SPATA9: variants seen among roughly 807,000 people sequenced by gnomAD.
SPATA9 encodes spermatogenesis-associated protein 9.
SPATA9 carries 27 observed loss-of-function variants against 25.5 expected under a neutral mutation model. The observed-to-expected ratio is 1.06, with a 90% confidence interval of 0.78 to 1.46. SPATA9 has a LOEUF of 1.46. Ranked by LOEUF, SPATA9 falls within the 40% of genes most tolerant of loss-of-function variation. The pLI, the probability that SPATA9 is intolerant of heterozygous loss-of-function variation, is 0.00. For synonymous variants in SPATA9, 102 were observed against 105.7 expected (o/e 0.97, Z 0.21); for missense variants, 282 against 297.5 (o/e 0.95, Z 0.38).
At chr5:95,702,542 T>G (rs1754204902), upstream of SPATA9, among the ~76,000 whole-genome samples, 1 of 152,124 alleles carries the variant, frequency 6.6e-6, no homozygotes, top group Non-Finnish European at 1.5e-5. Flanking sequence ...CTTAGATATA[T>G]TCTACATTAC....
chr5:95,714,736 C>CAAAA, the SPATA9 span, among the ~76,000 whole-genome samples: 14 of 138,038 alleles, frequency 1.0e-4, no homozygotes, highest in African/African-American at 2.6e-4. Context: ...AAATCAATTT[C>CAAAA]AAAAAAAAAA....
downstream of SPATA9, chr5:95,652,907 G>C: frequency 1.7e-6 from 1 of 604,448 alleles, no homozygotes. Flanking sequence ...ACAGAGCCGG[G>C]AGCATTCTTT....
At chr5:95,686,972 A>G (rs1468224622), upstream of SPATA9, among the ~76,000 whole-genome samples, 2 of 152,214 alleles carry the variant, frequency 1.3e-5, no homozygotes, top group Non-Finnish European at 2.9e-5. Context: ...CAAAAAAGGG[A>G]AAAGAGGCAT....
chr5:95,664,039 C>G lies in SPATA9; in HGVS notation c.388G>C (p.Gly130Arg), dbSNP rs1054012363. 5 of 1,553,138 alleles carry G rather than the reference C, an allele frequency of 3.2e-6. No homozygotes were observed. In the African/African-American group the frequency reaches 5.5e-5, roughly 17 times the overall value. Residue 130 changes from glycine to arginine, a missense_variant, in exon 4 of 5, where the codon GGT becomes CGT. Gly to Arg is a moderately radical substitution (Grantham distance 125, BLOSUM62 -2). Coordinates refer to ENST00000274432, the MANE Select transcript of SPATA9 (RefSeq NM_031952.4). The part of the protein sequence containing the change: ...QPLYNIQVRK[G>R]SLFEIISFPA... ...AAGGAGATGATTTCAAACAAAGAAC[C>G]CTTTCTGACCTGCAAAAACAGAAAA...
downstream of SPATA9, chr5:95,652,249 C>A: frequency 6.5e-7 from 1 of 1,545,930 alleles, no homozygotes; most frequent in Non-Finnish European, 8.7e-7. Flanking sequence ...CTCTCTACAA[C>A]CTCTCTTCCA....
At chr5:95,731,641 T>A in the SPATA9 span, 1 of 1,612,450 alleles carries the variant, frequency 6.2e-7, no homozygotes, top group Non-Finnish European at 8.5e-7. Flanking sequence ...CGTGAGCCGC[T>A]GCTTTTCTCC....
Position 95,658,855 on chromosome 5 carries a change from G to T in SPATA9, c.533C>A (p.Ser178Tyr), listed in dbSNP as rs144698162. 50 of 1,613,838 alleles carry T rather than the reference G, an allele frequency of 3.1e-5. 1 individual carries two copies. In the African/African-American group the frequency reaches 6.0e-4, roughly 19 times the overall value. Residue 178 changes from serine to tyrosine, a missense_variant, in exon 5 of 5, where the codon TCC becomes TAC. Coordinates refer to ENST00000274432, the MANE Select transcript of SPATA9 (RefSeq NM_031952.4). ...KVKNIFQEEE[S>Y]IRQNREESEN... ...ACTCTCCTCTCTGTTTTGCCTTATG[G>T]ATTCTTCTTCCTGGAAGATGTTCTT... is the stretch of plus-strand genomic sequence containing the variant.
chr5:95,721,837 G>C, the SPATA9 span, among the ~76,000 whole-genome samples: 1 of 152,128 alleles, frequency 6.6e-6, no homozygotes, highest in African/African-American at 2.4e-5. Flanking sequence ...GTTTCAGCTA[G>C]GTGATCTATT....
chr5:95,658,832 T>A lies in SPATA9; in HGVS notation c.556A>T (p.Ser186Cys), dbSNP rs749189025. 2 of 1,613,842 alleles carry A rather than the reference T, an allele frequency of 1.2e-6. No homozygotes were observed. Among genetic ancestry groups the A allele is most frequent in the Non-Finnish European group, 1.7e-6 (2 of 1,179,918 alleles). ...GAAAAGGCTTTTCTACAATTTTCAC[T>A]CTCCTCTCTGTTTTGCCTTATGGAT... is the stretch of plus-strand genomic sequence containing the variant. ...EESIRQNREE[S>C]ENCRKAFSEP... The change falls in exon 5 of 5, where the codon AGT becomes TGT. Residue 186 changes from serine (S) to cysteine (C), a missense_variant. Coordinates refer to ENST00000274432, the MANE Select transcript of SPATA9 (RefSeq NM_031952.4).
At chr5:95,680,090 G>A (rs1220848445) in intron 2 of SPATA9, among the ~76,000 whole-genome samples, 2 of 152,150 alleles carry the variant, frequency 1.3e-5, no homozygotes, top group African/African-American at 4.8e-5. Context: ...AGTAGAGACG[G>A]GGTTTCACCG....
At chr5:95,717,870 A>G in the SPATA9 span, 1 of 152,344 alleles carries the variant, frequency 6.6e-6, no homozygotes, top group South Asian at 2.1e-4. Context: ...CTTGATCTAA[A>G]TGACAGTTAA....
At chr5:95,654,195 A>G, downstream of SPATA9, 1 of 1,613,118 alleles carries the variant, frequency 6.2e-7, no homozygotes, top group East Asian at 2.2e-5. Flanking sequence ...GTCATTTTCT[A>G]CCACAAGGGA....
the SPATA9 span, among the ~76,000 whole-genome samples, chr5:95,718,893 C>A: frequency 6.6e-6 from 1 of 152,224 alleles, no homozygotes; most frequent in Admixed American, 6.5e-5. Context: ...AAGCAGGGAA[C>A]AACTGGATGA....
chr5:95,683,597 G>A (rs1361171390), upstream of SPATA9, among the ~76,000 whole-genome samples: 3 of 152,098 alleles, frequency 2.0e-5, no homozygotes, highest in Non-Finnish European at 4.4e-5. Flanking sequence ...GAGTGCAGTG[G>A]CGCGATCTTG....
chr5:95,686,508 G>A (rs1192518889), upstream of SPATA9, among the ~76,000 whole-genome samples: 1 of 151,988 alleles, frequency 6.6e-6, no homozygotes, highest in Non-Finnish European at 1.5e-5. Flanking sequence ...TAAATAACAA[G>A]TTTATGACAT....
At chr5:95,702,694 A>G (rs1271037709), upstream of SPATA9, among the ~76,000 whole-genome samples, 3 of 152,108 alleles carry the variant, frequency 2.0e-5, no homozygotes, top group Non-Finnish European at 2.9e-5. Context: ...TGGGCAACAT[A>G]GCAATACCCC....
intron 1 of SPATA9, among the ~76,000 whole-genome samples, chr5:95,696,636 G>A (rs185923125): frequency 4.4e-4 from 67 of 152,270 alleles, no homozygotes; most frequent in Non-Finnish European, 7.9e-4. Flanking sequence ...CAGCACTTTG[G>A]GAGCTCGAGG....
downstream of SPATA9, chr5:95,656,317 T>C (rs755375426): frequency 6.3e-7 from 1 of 1,589,630 alleles, no homozygotes; most frequent in South Asian, 1.1e-5. Flanking sequence ...TGATAAAAAA[T>C]ATATAGAAAT....
At chr5:95,658,979 A>G in intron 4 of SPATA9, 66 bp from the exon 5 acceptor site, 2 of 1,521,656 alleles carry the variant, frequency 1.3e-6, no homozygotes, top group Non-Finnish European at 8.8e-7. Flanking sequence ...GATTAAAAAC[A>G]TACAATATAG....
Sources: allele counts gnomAD v4.1 joint callset (sites outside exome capture counted in the v4.1 genomes callset), GRCh38; gene constraint gnomAD v4.1.1; transcripts MANE v1.5; gene names NCBI Gene and HGNC (gene_info 2026-07-23, HGNC 2026-07-21).